The following SALL4 variants were observed in gnomAD, a reference collection of about 807,000 sequenced individuals.
The protein encoded by SALL4 is sal-like protein 4.
SALL4 carries 4 observed loss-of-function variants against 60.8 expected under a neutral mutation model. That is an observed-to-expected ratio of 0.07 (90% confidence interval 0.03 to 0.15). The LOEUF is 0.15. SALL4 is among the 10% of genes least tolerant of loss of function. The pLI is 1.00. For missense variants in SALL4, 1,178 were observed against 1,394.7 expected (o/e 0.84, Z 2.48); for synonymous variants, 580 against 574.9 (o/e 1.01, Z -0.13).
intron 1 of SALL4, among the ~76,000 whole-genome samples, chr20:51,798,184 C>T (rs953578793): frequency 2.6e-5 from 4 of 152,178 alleles, no homozygotes; most frequent in Non-Finnish European, 4.4e-5. Context: ...AAGTTTCCAC[C>T]TAATTAAGAT....
rs2078029085 is a variant in SALL4 at position 51,790,473 on chromosome 20, T to C, written c.2010A>G (p.Pro670=). 5 of 1,614,108 alleles carry C rather than the reference T, an allele frequency of 3.1e-6. No homozygotes were observed. Among genetic ancestry groups the C allele is most frequent in the Non-Finnish European group, 4.2e-6 (5 of 1,180,042 alleles). ...ENPCDFTGSE[P]MTVGENGSTG... ...TGCTGCCGTTCTCACCCACGGTCAT[T>C]GGCTCAGAACCCGTAAAGTCACAGG... The change falls in exon 2 of 4, where the codon CCA becomes CCG. Residue 670 remains proline (P), a synonymous_variant. Coordinates refer to ENST00000217086, the MANE Select transcript of SALL4 (RefSeq NM_020436.5). The surrounding 1 kb of genome is among the most constrained non-coding windows in gnomAD (Gnocchi z 5.5).
rs181670666 is a variant in SALL4 at position 51,789,946 on chromosome 20, G to T, written c.2461+76C>A. 1.5e-5 allele frequency: 23 copies of T among 1,583,950 alleles called. No individual in the cohort carries two copies. The Admixed American group carries it at 2.2e-4, about 15-fold the overall frequency. On this transcript the variant is annotated intron_variant, in intron 2 of 3. Transcript: ENST00000217086. ...CTGCTTCAAGTCATACTCTCCGTTT[G>T]TAAAGTTCAACCCAGGCTCCTTTTT... is the stretch of plus-strand genomic sequence containing the variant.
rs1390627609 is a variant in SALL4 at position 51,785,636 on chromosome 20, A to AT, written c.2743-953dup. Among the ~76,000 whole-genome samples the AT allele has an allele frequency of 5.3e-5, 8 of 150,448 alleles. No homozygotes were observed. The East Asian group carries it at 5.9e-4, about 11-fold the overall frequency. ...CATTGATCCAAGTGCCAGGGTTAAC[A>AT]TTTTTTTTTGAGTCCTTTTTTTTTT... On this transcript the variant is annotated intron_variant, in intron 3 of 3. Transcript: ENST00000217086.
intron 1 of SALL4, among the ~76,000 whole-genome samples, chr20:51,796,214 G>A (rs1157183281): frequency 6.3e-4 from 68 of 108,712 alleles, no homozygotes; most frequent in Admixed American, 7.4e-4. Context: ...AAAAAAAAAA[G>A]AAAGAAAGAA....
At chr20:51,800,023 C>T (rs1339681780) in intron 1 of SALL4, among the ~76,000 whole-genome samples, 2 of 152,058 alleles carry the variant, frequency 1.3e-5, no homozygotes, top group Non-Finnish European at 2.9e-5. Context: ...TGCAAACAAC[C>T]CAAACGCAGC....
rs372815479 is a variant in SALL4 at position 51,802,388 on chromosome 20, C to T, written c.21G>A (p.Ala7=). Residue 7 remains alanine (A), a synonymous_variant, in exon 1 of 4, where the codon GCG becomes GCA. Transcript: ENST00000217086. The part of the protein sequence containing the change: MSRRKQ[A]KPQHINSEED... ...CCTCCGAGTTGATGTGCTGGGGTTT[C>T]GCCTGCTTGCGCCTCGACATGGTGC... The T allele has an allele frequency of 8.7e-6, 14 of 1,611,868 alleles. No homozygotes were observed. Among genetic ancestry groups the T allele is most frequent in the Non-Finnish European group, 1.2e-5 (14 of 1,179,890 alleles).
intron 1 of SALL4, among the ~76,000 whole-genome samples, chr20:51,793,996 G>T (rs1342891958): frequency 6.6e-6 from 1 of 152,180 alleles, no homozygotes; most frequent in Non-Finnish European, 1.5e-5. Context: ...AGGCAAGTCG[G>T]CACACCCCTA....
In SALL4 at chr20:51,790,987, G is replaced by A. The variant is rs769115027; in HGVS notation, c.1496C>T (p.Thr499Met). 3.2e-5 allele frequency: 52 copies of A among 1,614,080 alleles called. No individual in the cohort carries two copies. Among genetic ancestry groups the A allele is most frequent in the Non-Finnish European group, 3.6e-5 (43 of 1,180,036 alleles). The change falls in exon 2 of 4, where the codon ACG becomes ATG. Residue 499 changes from threonine (T) to methionine (M), a missense_variant. Around this residue, in one of 5 missense-constraint regions of SALL4, gnomAD observed 853 missense variants for 1,036.8 expected, o/e 0.82. Transcript: ENST00000217086. The surrounding 1 kb of genome is among the most constrained non-coding windows in gnomAD (Gnocchi z 5.5). ...LSSGTNPKDL[T>M]GGSLPGDLQP... Reference sequence around the variant, plus strand: ...CAGGTCACCGGGCAAGGAGCCACCCGTGAGGTCCTTGGGATTAGTCCCCGA... The same window carrying A: ...CAGGTCACCGGGCAAGGAGCCACCCATGAGGTCCTTGGGATTAGTCCCCGA...
At chr20:51,793,582 G>A (rs1039301091) in intron 1 of SALL4, among the ~76,000 whole-genome samples, 9 of 152,080 alleles carry the variant, frequency 5.9e-5, no homozygotes, top group East Asian at 3.9e-4. Context: ...TCAGTCTCCC[G>A]AGTAGCTGGC....
rs200431537 is a variant in SALL4, at chr20:51,791,239, C to A, written c.1244G>T (p.Cys415Phe). The part of the protein sequence containing the change: ...TGERPFVCSV[C>F]GHRFTTKGNL... The stretch of plus-strand genomic sequence containing the variant: ...GCCCTTGGTGGTGAAGCGATGACCA[C>A]AGACAGAGCACACGAAGGGTCTCTC... The change falls in exon 2 of 4, where the codon TGT (cysteine) becomes TTT (phenylalanine). Residue 415 changes from cysteine to phenylalanine, a missense_variant. Around this residue, in one of 5 missense-constraint regions of SALL4, gnomAD observed 853 missense variants for 1,036.8 expected, o/e 0.82. Coordinates refer to ENST00000217086, the MANE Select transcript of SALL4 (RefSeq NM_020436.5). The surrounding 1 kb of genome is among the most constrained non-coding windows in gnomAD (Gnocchi z 4.6). 1 of 1,614,096 alleles carries A rather than the reference C, an allele frequency of 6.2e-7. No individual in the cohort carries two copies. The highest frequency in any genetic ancestry group is 1.7e-5 in the Admixed American group (1 of 60,020).
intron 1 of SALL4, 77 bp downstream of exon 1, chr20:51,802,202 C>T (rs1479554859): frequency 9.4e-6 from 14 of 1,490,524 alleles, no homozygotes; most frequent in Non-Finnish European, 1.2e-5. Flanking sequence ...GCCCGCTCCC[C>T]GAAGCCTGCG....
chr20:51,797,474 C>T (rs1381833095), intron 1 of SALL4: 1 of 152,128 alleles, frequency 6.6e-6, no homozygotes, highest in Non-Finnish European at 1.5e-5. Flanking sequence ...GTAGCCTCCA[C>T]CAGCAACATC....
In SALL4 at chr20:51,801,953, C is replaced by G. The variant is rs1250762911; in HGVS notation, c.130+326G>C. 6.6e-6 allele frequency among the ~76,000 whole-genome samples: 1 copy of G among 150,400 alleles called. No individual in the cohort carries two copies. Among genetic ancestry groups the G allele is most frequent in the Non-Finnish European group, 1.5e-5 (1 of 67,732 alleles). On this transcript the variant is annotated intron_variant, in intron 1 of 3. Coordinates refer to ENST00000217086, the MANE Select transcript of SALL4 (RefSeq NM_020436.5). This position sits in a 1 kb window ranked among gnomAD's most constrained non-coding sequence, Gnocchi z 5.2. Reference sequence around the variant, plus strand: ...GGTAACACCAGTGAGGGGAGTGGAACCAATTAAGTGAGGGGCAGAGGACAA... The same window carrying G: ...GGTAACACCAGTGAGGGGAGTGGAAGCAATTAAGTGAGGGGCAGAGGACAA...
At position 51,791,011 on chromosome 20, in the gene SALL4, G is replaced by C. The variant is rs141604488; in HGVS notation, c.1472C>G (p.Ser491Trp). 6 of 1,614,166 alleles carry C rather than the reference G, an allele frequency of 3.7e-6. No individual in the cohort carries two copies. Among genetic ancestry groups the C allele is most frequent in the Non-Finnish European group, 5.1e-6 (6 of 1,180,026 alleles). Residue 491 changes from serine to tryptophan, a missense_variant, in exon 2 of 4, where the codon TCG (serine) becomes TGG (tryptophan). Ser to Trp is a radical substitution (Grantham distance 177). Around this residue, in one of 5 missense-constraint regions of SALL4, gnomAD observed 853 missense variants for 1,036.8 expected, o/e 0.82. Coordinates refer to ENST00000217086, the MANE Select transcript of SALL4 (RefSeq NM_020436.5). The surrounding 1 kb of genome is among the most constrained non-coding windows in gnomAD (Gnocchi z 4.6). ...TSVGLPQNLS[S>W]GTNPKDLTGG... ...CGTGAGGTCCTTGGGATTAGTCCCC[G>C]AAGAAAGATTCTGAGGTAGCCCTAC...
chr20:51,792,196 T>G lies in SALL4; in HGVS notation c.287A>C (p.Lys96Thr). The G allele has an allele frequency of 1.9e-6, 3 of 1,614,138 alleles. No homozygotes were observed. In the South Asian group the frequency reaches 3.3e-5, roughly 18 times the overall value. ...EFLEHKKNCTKNPPVLIMNDS... is the reference protein window; with the variant it reads ...EFLEHKKNCTTNPPVLIMNDS... Reference sequence around the variant, plus strand: ...ATTCATGATGAGGACAGGTGGATTTTTAGTGCAATTTTTCTTATGTTCCAG... The same window carrying G: ...ATTCATGATGAGGACAGGTGGATTTGTAGTGCAATTTTTCTTATGTTCCAG... The change falls in exon 2 of 4, where the codon AAA (lysine) becomes ACA (threonine). Residue 96 changes from lysine to threonine, a missense_variant. Around this residue, in one of 5 missense-constraint regions of SALL4, gnomAD observed 853 missense variants for 1,036.8 expected, o/e 0.82. Coordinates refer to ENST00000217086, the MANE Select transcript of SALL4 (RefSeq NM_020436.5).
At chr20:51,795,638 T>G (rs1351380421) in intron 1 of SALL4, among the ~76,000 whole-genome samples, 2 of 152,312 alleles carry the variant, frequency 1.3e-5, no homozygotes, top group African/African-American at 4.8e-5. Flanking sequence ...ACAGTTTCTC[T>G]TGTTAGGGAA....
At chr20:51,785,089 G>A (rs1167487935) in intron 3 of SALL4, among the ~76,000 whole-genome samples, 9 of 152,042 alleles carry the variant, frequency 5.9e-5, no homozygotes, top group Non-Finnish European at 1.2e-4. Context: ...GATCACTTGA[G>A]GTCAGGAGTT....
chr20:51,792,823 T>G (rs2078057478), intron 1 of SALL4: 1 of 1,039,126 alleles, frequency 9.6e-7, no homozygotes. Flanking sequence ...AGCCAGATGC[T>G]GGGGTCCTTC....
rs1347193361 is a variant in SALL4 at position 51,790,765 on chromosome 20, C to T, written c.1718G>A (p.Arg573Gln). ...TDPNECLICH[R>Q]VLSCQSSLKM... Reference sequence around the variant, plus strand: ...GAGGGAGCTCTGACAGCTTAAGACTCGGTGGCAAATGAGACATTCGTTGGG... The same window carrying T: ...GAGGGAGCTCTGACAGCTTAAGACTTGGTGGCAAATGAGACATTCGTTGGG... The change falls in exon 2 of 4, where the codon CGA (arginine) becomes CAA (glutamine). Residue 573 changes from arginine to glutamine, a missense_variant. By Grantham distance (43) the Arg-to-Gln change is conservative. Coordinates refer to ENST00000217086, the MANE Select transcript of SALL4 (RefSeq NM_020436.5). This position sits in a 1 kb window ranked among gnomAD's most constrained non-coding sequence, Gnocchi z 5.5. The T allele has an allele frequency of 2.5e-6, 4 of 1,614,082 alleles. No homozygotes were observed. Among genetic ancestry groups the T allele is most frequent in the African/African-American group, 1.3e-5 (1 of 75,024 alleles).
Sources: gnomAD v4.1 joint callset for allele counts (sites outside exome capture counted in the v4.1 genomes callset) on GRCh38, gnomAD v4.1.1 for gene constraint, gnomAD v4.1.1 regional missense constraint, Gnocchi (gnomAD v3.1) non-coding constraint, MANE v1.5 for transcripts, NCBI Gene and HGNC (gene_info 2026-07-23, HGNC 2026-07-21) for gene names.